SUFU: variants seen among roughly 807,000 people sequenced by gnomAD.
SUFU encodes the protein SUFU negative regulator of hedgehog signaling, also known as suppressor of fused homolog.
SUFU carries 7 observed loss-of-function variants against 58.9 expected under a neutral mutation model. The observed-to-expected ratio is 0.12, with a 90% CI of 0.07 to 0.22. The LOEUF is 0.22. Ranked by LOEUF, SUFU falls within the 10% of genes least tolerant of loss-of-function variation. SUFU has a pLI of 1.00. For missense variants in SUFU, 451 were observed against 641.3 expected (o/e 0.70, Z 3.20); for synonymous variants, 232 against 254.8 (o/e 0.91, Z 0.85).
intron 2 of SUFU, 137 bp downstream of exon 2, chr10:102,509,440 C>T (rs2062372656): frequency 7.8e-7 from 1 of 1,274,620 alleles, no homozygotes; most frequent in Non-Finnish European, 1.1e-6. Context: ...ACTATATCTA[C>T]TCATGCCAAG....
In SUFU at chr10:102,619,562, AC is replaced by A. The variant is rs1279102852; in HGVS notation, c.1296+2137del. The A allele has an allele frequency of 4.0e-6, 4 of 1,007,278 alleles. No individual in the cohort carries two copies. Among genetic ancestry groups the A allele is most frequent in the Non-Finnish European group, 3.6e-6 (3 of 824,494 alleles). 62.4% of individuals were successfully genotyped at this position (1,007,278 alleles called of 1,614,324 possible). ...CTGGCGGAGGCCCCACACCCCAAGC[AC>A]CCACCCTTGATCACCGAGGGGTTTC... On this transcript the variant is annotated intron_variant, in intron 10 of 11. Coordinates refer to ENST00000369902, the MANE Select transcript of SUFU (RefSeq NM_016169.4). The surrounding 1 kb of genome is among the most constrained non-coding windows in gnomAD (Gnocchi z 4.2).
chr10:102,541,307 C>T (rs928119031), intron 2 of SUFU, among the ~76,000 whole-genome samples: 1 of 152,144 alleles, frequency 6.6e-6, no homozygotes, highest in African/African-American at 2.4e-5. Context: ...ATGTAAGAAT[C>T]CATCTCATTC....
chr10:102,608,813 C>G (rs2063589904), intron 8 of SUFU, among the ~76,000 whole-genome samples: 1 of 152,196 alleles, frequency 6.6e-6, no homozygotes, highest in Non-Finnish European at 1.5e-5. Flanking sequence ...TCCCTCTGTC[C>G]TCCTCAGAGT....
intron 3 of SUFU, among the ~76,000 whole-genome samples, chr10:102,587,537 G>T (rs527739002): frequency 6.6e-6 from 1 of 152,204 alleles, no homozygotes; most frequent in Non-Finnish European, 1.5e-5. Flanking sequence ...TGTCACCCAG[G>T]CTGGAGTGCA....
At chr10:102,524,135 C>G (rs1456055794) in intron 2 of SUFU, among the ~76,000 whole-genome samples, 7 of 152,072 alleles carry the variant, frequency 4.6e-5, no homozygotes. Flanking sequence ...TCCCACAAAG[C>G]AGTATCCCCC....
intron 3 of SUFU, among the ~76,000 whole-genome samples, chr10:102,574,248 G>A (rs558148666): frequency 6.6e-6 from 1 of 152,218 alleles, no homozygotes; most frequent in South Asian, 2.1e-4. Context: ...CCAAATTGGT[G>A]TCAAAACAAT....
chr10:102,551,444 C>T (rs1356933586), intron 3 of SUFU, among the ~76,000 whole-genome samples: 1 of 151,966 alleles, frequency 6.6e-6, no homozygotes, highest in Non-Finnish European at 1.5e-5. Context: ...TCGAGACCAG[C>T]CTGGCTAACA....
chr10:102,615,611 C>T (rs2063678073), intron 9 of SUFU, among the ~76,000 whole-genome samples: 1 of 152,192 alleles, frequency 6.6e-6, no homozygotes, highest in Non-Finnish European at 1.5e-5. Flanking sequence ...GGCTGGGTCT[C>T]AGGGAGGGAG....
chr10:102,609,997 A>G (rs1317972641), intron 8 of SUFU, among the ~76,000 whole-genome samples: 2 of 152,140 alleles, frequency 1.3e-5, no homozygotes, highest in Admixed American at 6.5e-5. Flanking sequence ...GGCTTGCCAG[A>G]CCATCCTCAT....
Position 102,630,769 on chromosome 10 carries a change from C to T in SUFU, c.*614C>T. ...ATTCCCCGTTGAACTTTCGCATTCT[C>T]TGACAGAGGCCTAGGGCTGTATCTC... On this transcript the variant is annotated 3_prime_UTR_variant, in exon 12 of 12. Coordinates refer to ENST00000369902, the MANE Select transcript of SUFU (RefSeq NM_016169.4). 1 of 250,202 alleles carries T rather than the reference C, an allele frequency of 4.0e-6. No individual in the cohort carries two copies. The highest frequency in any genetic ancestry group is 7.9e-6 in the Non-Finnish European group (1 of 127,130). 15.5% of individuals were successfully genotyped at this position (250,202 alleles called of 1,614,324 possible). A position where few individuals can be genotyped will look rare whatever the true frequency, so the allele number is the denominator to read the frequency against.
chr10:102,568,852 C>T (rs751342210), intron 3 of SUFU, among the ~76,000 whole-genome samples: 36 of 107,394 alleles, frequency 3.4e-4, no homozygotes, highest in Admixed American at 1.1e-3. Context: ...CCAGCCTGGG[C>T]GACAAGAGCA....
intron 2 of SUFU, among the ~76,000 whole-genome samples, chr10:102,523,626 T>C (rs1743931700): frequency 6.6e-6 from 1 of 152,184 alleles, no homozygotes; most frequent in South Asian, 2.1e-4. Flanking sequence ...TTCCCATATA[T>C]CAGGTTGCAG....
chr10:102,564,692 C>T (rs2063070885), intron 3 of SUFU, among the ~76,000 whole-genome samples: 2 of 152,164 alleles, frequency 1.3e-5, no homozygotes, highest in Admixed American at 6.5e-5. Flanking sequence ...CTAACTAAAG[C>T]CAAATGGAGC....
intron 3 of SUFU, among the ~76,000 whole-genome samples, chr10:102,561,295 T>C (rs2063035096): frequency 6.6e-6 from 1 of 152,236 alleles, no homozygotes; most frequent in Non-Finnish European, 1.5e-5. Context: ...AATAATACTA[T>C]TGGGGCCATC....
intron 3 of SUFU, among the ~76,000 whole-genome samples, chr10:102,578,579 G>C (rs1026754599): frequency 6.6e-6 from 1 of 151,926 alleles, no homozygotes; most frequent in East Asian, 1.9e-4. Flanking sequence ...ATGGTGGCGC[G>C]TGCCTATAGT....
At chr10:102,559,860 A>C (rs1312847381) in intron 3 of SUFU, among the ~76,000 whole-genome samples, 1 of 152,192 alleles carries the variant, frequency 6.6e-6, no homozygotes, top group Non-Finnish European at 1.5e-5. Context: ...TTTAGGAAAA[A>C]CGTATCTCCC....
intron 8 of SUFU, among the ~76,000 whole-genome samples, chr10:102,606,480 A>G (rs1313838419): frequency 2.0e-5 from 3 of 152,180 alleles, no homozygotes; most frequent in African/African-American, 7.2e-5. Flanking sequence ...GAACACTGAG[A>G]CTTAGCCAGG....
chr10:102,595,812 G>A (rs2063455313), intron 6 of SUFU, among the ~76,000 whole-genome samples: 1 of 152,192 alleles, frequency 6.6e-6, no homozygotes, highest in African/African-American at 2.4e-5. Context: ...TGTGATTCAA[G>A]CTCTACACTA....
chr10:102,553,658 C>A (rs1674473639), intron 3 of SUFU, among the ~76,000 whole-genome samples: 1 of 151,912 alleles, frequency 6.6e-6, no homozygotes, highest in South Asian at 2.1e-4. Flanking sequence ...AGAGATGGGG[C>A]TTCACTGTGT....
Sources: allele counts gnomAD v4.1 joint callset (sites outside exome capture counted in the v4.1 genomes callset), GRCh38; gene constraint gnomAD v4.1.1; non-coding constraint Gnocchi (gnomAD v3.1); transcripts MANE v1.5; gene names NCBI Gene and HGNC (gene_info 2026-07-23, HGNC 2026-07-21).